The following C13orf42 variants were observed in gnomAD, a reference collection of about 807,000 sequenced individuals.
C13orf42 encodes the protein chromosome 13 open reading frame 42.
intron 1 of C13orf42, among the ~76,000 whole-genome samples, chr13:51,099,241 G>A (rs1217750543): frequency 6.6e-6 from 1 of 152,032 alleles, no homozygotes; most frequent in Admixed American, 6.5e-5. Context: ...ATTGAACAGG[G>A]TTTTATGGAA....
intron 1 of C13orf42, among the ~76,000 whole-genome samples, chr13:51,141,229 G>T (rs1325795682): frequency 1.4e-5 from 2 of 145,512 alleles, no homozygotes; most frequent in African/African-American, 2.5e-5. Flanking sequence ...TGAGCCAAAG[G>T]TTTTTTTTTG....
chr13:51,086,318 AAAAAAAAAC>A (rs1392290601), intron 2 of C13orf42, among the ~76,000 whole-genome samples: 1 of 112,970 alleles, frequency 8.9e-6, no homozygotes, highest in Non-Finnish European at 2.0e-5. Flanking sequence ...AAAAAAAAAC[AAAAAAAAAC>A]AAAAAAAAAA....
intron 1 of C13orf42, among the ~76,000 whole-genome samples, chr13:51,110,343 A>G (rs147153435): frequency 4.0e-4 from 61 of 152,332 alleles, no homozygotes; most frequent in African/African-American, 1.3e-3. Flanking sequence ...TAGATGTGCA[A>G]TGCAAATATG....
chr13:51,091,315 T>C (rs1953177927), intron 1 of C13orf42, among the ~76,000 whole-genome samples: 1 of 152,216 alleles, frequency 6.6e-6, no homozygotes, highest in African/African-American at 2.4e-5. Context: ...GACCCATATG[T>C]GCCTGTGTAA....
chr13:51,096,810 TTTTGC>T (rs1031660242), intron 1 of C13orf42, among the ~76,000 whole-genome samples: 4 of 152,198 alleles, frequency 2.6e-5, no homozygotes, highest in Non-Finnish European at 5.9e-5. Flanking sequence ...GCTTTTTTCT[TTTTGC>T]TTTAATATTT....
At chr13:51,151,911 C>T (rs1416431768) in intron 1 of C13orf42, among the ~76,000 whole-genome samples, 1 of 152,136 alleles carries the variant, frequency 6.6e-6, no homozygotes, top group Non-Finnish European at 1.5e-5. Context: ...TTTTATTGTC[C>T]AGGCTGGTCT....
chr13:51,130,862 A>AAATAT (rs1555267618), intron 1 of C13orf42, among the ~76,000 whole-genome samples: 7 of 148,240 alleles, frequency 4.7e-5, no homozygotes, highest in African/African-American at 1.7e-4. Context: ...GTAAAAAAAA[A>AAATAT]ATATATATAT....
chr13:51,099,420 T>C (rs1355467138), intron 1 of C13orf42, among the ~76,000 whole-genome samples: 1 of 152,080 alleles, frequency 6.6e-6, no homozygotes, highest in Non-Finnish European at 1.5e-5. Context: ...ATCAGTGAAA[T>C]AGACAACTGA....
chr13:51,165,423 G>A (rs75854559), intron 1 of C13orf42, among the ~76,000 whole-genome samples: 3 of 152,130 alleles, frequency 2.0e-5, no homozygotes, highest in Admixed American at 1.3e-4. Flanking sequence ...AAATTACCCA[G>A]GTATTTCCTA....
intron 1 of C13orf42, among the ~76,000 whole-genome samples, chr13:51,098,788 G>C (rs1358364433): frequency 6.6e-6 from 1 of 151,806 alleles, no homozygotes; most frequent in Non-Finnish European, 1.5e-5. Flanking sequence ...GGCTGCATTA[G>C]GGCAAATATA....
chr13:51,126,053 T>C (rs919482498), intron 1 of C13orf42, among the ~76,000 whole-genome samples: 1 of 152,178 alleles, frequency 6.6e-6, no homozygotes, highest in Non-Finnish European at 1.5e-5. Context: ...TCAGAATTAG[T>C]GAATGTATGC....
At chr13:51,122,806 C>T (rs946532321) in intron 1 of C13orf42, among the ~76,000 whole-genome samples, 2 of 152,062 alleles carry the variant, frequency 1.3e-5, no homozygotes, top group African/African-American at 4.8e-5. Flanking sequence ...TATTTCTTTT[C>T]TTCAGTTCTG....
intron 1 of C13orf42, among the ~76,000 whole-genome samples, chr13:51,134,453 C>G (rs753192537): frequency 2.6e-5 from 4 of 152,248 alleles, no homozygotes; most frequent in South Asian, 2.1e-4. Flanking sequence ...GCAAAGGGGC[C>G]GTTACAGAGT....
chr13:51,129,355 G>A (rs9535581), intron 1 of C13orf42, among the ~76,000 whole-genome samples: 42,398 of 152,050 alleles, frequency 0.28, 6,064 homozygotes, highest in South Asian at 0.41. Flanking sequence ...GGCAGCTGCC[G>A]GTGACAGAAT....
chr13:51,089,602 T>C (rs963873732), intron 1 of C13orf42, among the ~76,000 whole-genome samples: 2 of 152,052 alleles, frequency 1.3e-5, no homozygotes, highest in African/African-American at 4.8e-5. Context: ...GTAAGTTTCC[T>C]GAGGCCTCCC....
In C13orf42 at chr13:51,150,872, C is replaced by T. The variant is rs150909750; in HGVS notation, n.136+21381G>A. On this transcript the variant is annotated intron_variant and non_coding_transcript_variant, in intron 1 of 4. Coordinates refer to the C13orf42 transcript ENST00000433280. ...ATGGATGACTAGAATCAAAAGGCTA[C>T]CAATGTCTTCTGAGATGCCAGAAGT... 5.8e-3 allele frequency among the ~76,000 whole-genome samples: 879 copies of T among 152,288 alleles called. 5 individuals carry two copies. The highest frequency in any genetic ancestry group is 7.3e-3 in the Admixed American group (111 of 15,294).
At chr13:51,130,598 C>T (rs1202670501) in intron 1 of C13orf42, among the ~76,000 whole-genome samples, 1 of 152,100 alleles carries the variant, frequency 6.6e-6, no homozygotes, top group Non-Finnish European at 1.5e-5. Flanking sequence ...CAAAAAAACA[C>T]CACTATGACT....
rs1593524641 is a variant in C13orf42 at position 51,082,497 on chromosome 13, T to C, written c.*1654A>G. On this transcript the variant is annotated 3_prime_UTR_variant, in exon 4 of 4. Coordinates refer to ENST00000563710, the MANE Select transcript of C13orf42 (RefSeq NM_001351589.3). Reference sequence around the variant, plus strand: ...ACCACATAATTTCAGGGTGGATCTATGATAAACTGTAGTTTGATAAGAGGC... The same window carrying C: ...ACCACATAATTTCAGGGTGGATCTACGATAAACTGTAGTTTGATAAGAGGC... 6.6e-6 allele frequency: 1 copy of C among 152,230 alleles called. No individual in the cohort carries two copies. The highest frequency in any genetic ancestry group is 1.5e-5 in the Non-Finnish European group (1 of 68,032). 9.4% of individuals were successfully genotyped at this position (152,230 alleles called of 1,614,324 possible).
intron 1 of C13orf42, among the ~76,000 whole-genome samples, chr13:51,149,920 G>A (rs1453918574): frequency 6.6e-6 from 1 of 152,148 alleles, no homozygotes; most frequent in Non-Finnish European, 1.5e-5. Context: ...CTATATCTTA[G>A]CCCAAGAAAT....
Sources: allele counts gnomAD v4.1 joint callset (sites outside exome capture counted in the v4.1 genomes callset), GRCh38; gene constraint gnomAD v4.1.1; transcripts MANE v1.5; gene names NCBI Gene and HGNC (gene_info 2026-07-23, HGNC 2026-07-21).